The following SUPT3H variants were observed in gnomAD, a reference collection of about 807,000 sequenced individuals.
SUPT3H encodes the protein SPT3 homolog, SAGA and STAGA complex component.
SUPT3H carries 44 observed loss-of-function variants against 44.3 expected under a neutral mutation model. The observed-to-expected ratio is 0.99, with a 90% CI of 0.78 to 1.28. SUPT3H has a LOEUF of 1.28. Among genes scored for constraint, SUPT3H ranks in the 50% most tolerant of loss-of-function variants. SUPT3H has a pLI of 0.00. For synonymous variants in SUPT3H, 124 were observed against 125.6 expected (o/e 0.99, Z 0.09); for missense variants, 380 against 387.1 (o/e 0.98, Z 0.15).
In SUPT3H at chr6:45,214,336, T is replaced by C. The variant is rs546491066; in HGVS notation, c.102-108330A>G. On this transcript the variant is annotated intron_variant, in intron 2 of 10. Transcript: ENST00000371459. ...TGGGAATGTAATGTGATTGACAGTA[T>C]TCAGAAAACTAATGATAGTAAAAGC... Among the ~76,000 whole-genome samples the C allele has an allele frequency of 9.2e-5, 14 of 152,002 alleles. 1 individual carries two copies. In the South Asian group the frequency reaches 2.5e-3, roughly 27 times the overall value.
At chr6:45,304,146 C>T (rs2149946203) in intron 2 of SUPT3H, among the ~76,000 whole-genome samples, 1 of 152,114 alleles carries the variant, frequency 6.6e-6, no homozygotes, top group East Asian at 1.9e-4. Flanking sequence ...AAAGTGGATG[C>T]TTTATAAATG....
intron 3 of SUPT3H, among the ~76,000 whole-genome samples, chr6:45,070,239 G>A (rs904548005): frequency 1.4e-4 from 21 of 151,766 alleles, no homozygotes; most frequent in African/African-American, 4.8e-4. Flanking sequence ...CCATTTTATC[G>A]AAAAAATATT....
chr6:44,959,992 T>G (rs189253396), intron 7 of SUPT3H, among the ~76,000 whole-genome samples: 2 of 152,182 alleles, frequency 1.3e-5, no homozygotes, highest in Non-Finnish European at 1.5e-5. Flanking sequence ...CAAGGTTTCA[T>G]AATAAAACAC....
chr6:44,996,312 CTT>C (rs1265564940), intron 6 of SUPT3H, among the ~76,000 whole-genome samples: 1 of 151,612 alleles, frequency 6.6e-6, no homozygotes, highest in Non-Finnish European at 1.5e-5. Context: ...TTTATTTCTT[CTT>C]GTTTTTCATA....
intron 3 of SUPT3H, among the ~76,000 whole-genome samples, chr6:45,042,665 T>C (rs752329959): frequency 7.9e-5 from 12 of 152,136 alleles, no homozygotes; most frequent in Non-Finnish European, 1.6e-4. Flanking sequence ...GTAAACTAGT[T>C]AACCATTGTG....
At chr6:45,264,639 A>G (rs929319199) in intron 2 of SUPT3H, among the ~76,000 whole-genome samples, 1 of 152,216 alleles carries the variant, frequency 6.6e-6, no homozygotes, top group Non-Finnish European at 1.5e-5. Flanking sequence ...TAAACTGTCT[A>G]GCCCTGCACT....
intron 2 of SUPT3H, among the ~76,000 whole-genome samples, chr6:45,152,305 T>A (rs1807079125): frequency 6.6e-6 from 1 of 152,182 alleles, no homozygotes; most frequent in Non-Finnish European, 1.5e-5. Flanking sequence ...TATTAGCAAA[T>A]CTTGCGAGCT....
At chr6:45,141,934 C>T (rs141591428) in intron 2 of SUPT3H, among the ~76,000 whole-genome samples, 171 of 152,228 alleles carry the variant, frequency 1.1e-3, no homozygotes, top group African/African-American at 3.9e-3. Context: ...TGCCTAAGCA[C>T]ATAGTCATCA....
At chr6:45,278,672 G>T in intron 2 of SUPT3H, among the ~76,000 whole-genome samples, 1 of 152,062 alleles carries the variant, frequency 6.6e-6, no homozygotes, top group Non-Finnish European at 1.5e-5. Context: ...AAATGTCATT[G>T]CAAAAGAATT....
chr6:45,273,689 T>C (rs1776574297), intron 2 of SUPT3H, among the ~76,000 whole-genome samples: 1 of 152,220 alleles, frequency 6.6e-6, no homozygotes, highest in Admixed American at 6.5e-5. Context: ...GTATGACTCC[T>C]CCACATTTGC....
chr6:44,967,083 G>A (rs1776880346), intron 6 of SUPT3H, among the ~76,000 whole-genome samples: 1 of 152,128 alleles, frequency 6.6e-6, no homozygotes, highest in Admixed American at 6.5e-5. Context: ...AGGATTTTAG[G>A]AAATTAAATC....
chr6:45,226,469 G>A (rs943070586), intron 2 of SUPT3H, among the ~76,000 whole-genome samples: 2 of 152,202 alleles, frequency 1.3e-5, no homozygotes, highest in East Asian at 3.9e-4. Flanking sequence ...TTGGGAGGCC[G>A]AGGTGGGAGG....
At chr6:45,147,467 T>C (rs888326516) in intron 2 of SUPT3H, among the ~76,000 whole-genome samples, 4 of 152,074 alleles carry the variant, frequency 2.6e-5, no homozygotes, top group African/African-American at 9.7e-5. Flanking sequence ...ACAAAATCTC[T>C]GAACACAAAG....
chr6:45,063,396 G>C (rs1792550569), intron 3 of SUPT3H, among the ~76,000 whole-genome samples: 1 of 151,246 alleles, frequency 6.6e-6, no homozygotes, highest in South Asian at 2.1e-4. Context: ...CTAAAATGCA[G>C]AGCGTCTCTC....
chr6:44,953,892 C>G (rs1200462795), intron 8 of SUPT3H, among the ~76,000 whole-genome samples: 3 of 152,046 alleles, frequency 2.0e-5, no homozygotes, highest in Non-Finnish European at 2.9e-5. Flanking sequence ...GCCACCATGC[C>G]CGGCTAACTT....
chr6:44,961,656 C>T (rs971302362), intron 7 of SUPT3H, 97 bp downstream of exon 7: 24 of 972,692 alleles, frequency 2.5e-5, no homozygotes, highest in Non-Finnish European at 3.5e-5. Flanking sequence ...TATATTAAAT[C>T]CACCAATTTC....
chr6:45,359,689 T>C (rs1341899348), intron 2 of SUPT3H, among the ~76,000 whole-genome samples: 3 of 152,218 alleles, frequency 2.0e-5, no homozygotes, highest in Admixed American at 1.3e-4. Flanking sequence ...GTTACTGATA[T>C]GCCCTTGCTG....
At chr6:44,993,144 CAGA>C (rs1208778400) in intron 6 of SUPT3H, among the ~76,000 whole-genome samples, 18 of 152,070 alleles carry the variant, frequency 1.2e-4, no homozygotes, top group Admixed American at 1.2e-3. Flanking sequence ...GCCTGGGGAA[CAGA>C]AGGAGACTCT....
intron 6 of SUPT3H, among the ~76,000 whole-genome samples, chr6:44,989,818 C>G (rs889093250): frequency 2.0e-5 from 3 of 152,014 alleles, no homozygotes; most frequent in Non-Finnish European, 2.9e-5. Flanking sequence ...AATGTCTCGT[C>G]AGGTCCTTTG....
Sources: allele counts gnomAD v4.1 joint callset (sites outside exome capture counted in the v4.1 genomes callset), GRCh38; gene constraint gnomAD v4.1.1; transcripts MANE v1.5; gene names NCBI Gene and HGNC (gene_info 2026-07-23, HGNC 2026-07-21).